KIF24: variants seen among roughly 807,000 people sequenced by gnomAD.
The protein encoded by KIF24 is kinesin family member 24.
A neutral mutation model predicts 118.9 loss-of-function variants in KIF24; 81 were observed. The ratio of observed to expected loss-of-function variants is 0.68; its 90% confidence interval spans 0.57 to 0.82. The LOEUF (loss-of-function observed/expected upper bound fraction) is 0.82, where lower values mean the gene tolerates loss of function less well. Ranked by LOEUF, KIF24 falls within the 40% of genes least tolerant of loss-of-function variation. The pLI, the probability that KIF24 is intolerant of heterozygous loss-of-function variation, is 0.00. For missense variants in KIF24, 1,560 were observed against 1,661.6 expected (o/e 0.94, Z 1.06); for synonymous variants, 599 against 610.0 (o/e 0.98, Z 0.27).
Position 34,318,634 on chromosome 9 carries a change from GT to G in KIF24, c.-25-7264del. 6.5e-7 allele frequency: 1 copy of G among 1,532,630 alleles called. No homozygotes were observed. The allele number at this position is 1,532,630 out of a possible 1,614,324, so 94.9% of individuals were successfully genotyped here. On this transcript the variant is annotated intron_variant, in intron 1 of 12. Coordinates refer to ENST00000402558, the MANE Select transcript of KIF24 (RefSeq NM_194313.4). This position sits in a 1 kb window ranked among gnomAD's most constrained non-coding sequence, Gnocchi z 4.9. Reference sequence around the variant, plus strand: ...TGTCGCCCGTGGTGGTGGCCTCGTCGTTGGGGCTCGTGTCGCTGGGCGGCAA... The same window carrying G: ...TGTCGCCCGTGGTGGTGGCCTCGTCGTGGGGCTCGTGTCGCTGGGCGGCAA...
chr9:34,293,109 T>G (rs1370853068), intron 4 of KIF24, among the ~76,000 whole-genome samples: 2 of 152,212 alleles, frequency 1.3e-5, no homozygotes, highest in African/African-American at 4.8e-5. Flanking sequence ...CTCATAAAAT[T>G]TAAAAAATTA....
chr9:34,316,227 A>C (rs1837324435), intron 1 of KIF24, among the ~76,000 whole-genome samples: 1 of 151,968 alleles, frequency 6.6e-6, no homozygotes, highest in African/African-American at 2.4e-5. Flanking sequence ...AAGTGCCTGT[A>C]ATCCCAGCTA....
Position 34,286,643 on chromosome 9 carries a change from C to A in KIF24, c.1189G>T (p.Val397Leu). The A allele has an allele frequency of 2.5e-6, 4 of 1,612,928 alleles. No homozygotes were observed. The South Asian group carries it at 4.4e-5, about 18-fold the overall frequency. The change falls in exon 6 of 13, where the codon GTG becomes TTG. Residue 397 changes from valine to leucine, a missense_variant. Around this residue, in one of 3 missense-constraint regions of KIF24, gnomAD observed 964 missense variants for 988.0 expected, o/e 0.98. Coordinates refer to ENST00000402558, the MANE Select transcript of KIF24 (RefSeq NM_194313.4). ...VQIVGLQELQ[V>L]DSVELLLEVI... is the part of the protein sequence containing the mutation. Reference sequence around the variant, plus strand: ...TCTAAGAGGAGCTCCACACTGTCCACCTGAAGCTCTTGCAGTCCCACTATC... The same window carrying A: ...TCTAAGAGGAGCTCCACACTGTCCAACTGAAGCTCTTGCAGTCCCACTATC...
At chr9:34,302,958 G>T (rs933394272) in intron 3 of KIF24, among the ~76,000 whole-genome samples, 1 of 151,238 alleles carries the variant, frequency 6.6e-6, no homozygotes, top group Non-Finnish European at 1.5e-5. Context: ...TGTATTTTTA[G>T]TGAGATGGAG....
At chr9:34,301,501 C>T (rs1319823860) in intron 3 of KIF24, among the ~76,000 whole-genome samples, 5 of 152,102 alleles carry the variant, frequency 3.3e-5, no homozygotes, top group Non-Finnish European at 5.9e-5. Context: ...CTGTCCACCT[C>T]GGACTCCCAA....
chr9:34,323,258 GA>G (rs920874711), intron 1 of KIF24, among the ~76,000 whole-genome samples: 8 of 151,890 alleles, frequency 5.3e-5, no homozygotes, highest in Middle Eastern at 3.4e-3. Flanking sequence ...GTTTTTAACA[GA>G]AAAAAAATAG....
At chr9:34,297,578 C>A (rs752296918) in intron 3 of KIF24, among the ~76,000 whole-genome samples, 1 of 151,988 alleles carries the variant, frequency 6.6e-6, no homozygotes, top group African/African-American at 2.4e-5. Context: ...CTGGCTAACA[C>A]GGTGAAACCC....
chr9:34,256,313 A>G lies in KIF24; in HGVS notation c.3294T>C (p.Asp1098=), dbSNP rs778894267. The G allele has an allele frequency of 6.2e-7, 1 of 1,613,088 alleles. No homozygotes were observed. Among genetic ancestry groups the G allele is most frequent in the South Asian group, 1.1e-5 (1 of 91,008 alleles). ...PVVSHTVPSG[D]QEAALPVSSA... is the part of the protein sequence containing the mutation. ...AAGACACTGGCAAGGCTGCCTCTTG[A>G]TCACCAGATGGCACTGTGTGGCTCA... is the stretch of plus-strand genomic sequence containing the variant. The change falls in exon 11 of 13, where the codon GAT becomes GAC. Residue 1098 remains aspartate, a synonymous_variant. Transcript: ENST00000402558.
chr9:34,255,476 A>C (rs867763583), intron 11 of KIF24, among the ~76,000 whole-genome samples: 19 of 152,170 alleles, frequency 1.2e-4, no homozygotes, highest in African/African-American at 3.4e-4. Flanking sequence ...CCCATTTCCC[A>C]CAGCTTCCCT....
At position 34,257,594 on chromosome 9, in the gene KIF24, C is replaced by T. The variant is rs372449044; in HGVS notation, c.2013G>A (p.Glu671=). The change falls in exon 11 of 13, where the codon GAG becomes GAA. Residue 671 remains glutamate, a synonymous_variant. Transcript: ENST00000402558. The part of the protein sequence containing the change: ...KPEESAPLCS[E]KNRMGNKTVL... ...CAGTTTTGTTGCCCATTCGATTTTT[C>T]TCAGAGCACAATGGTGCTGACTCTT... 1.2e-6 allele frequency: 2 copies of T among 1,614,100 alleles called. No individual in the cohort carries two copies. The highest frequency in any genetic ancestry group is 2.7e-5 in the African/African-American group (2 of 75,080).
chr9:34,254,470 G>C lies in KIF24; in HGVS notation c.4017C>G (p.Ser1339=). The C allele has an allele frequency of 2.5e-6, 4 of 1,613,920 alleles. No individual in the cohort carries two copies. Among genetic ancestry groups the C allele is most frequent in the Non-Finnish European group, 3.4e-6 (4 of 1,179,846 alleles). ...GGCTCCTCAGACTCTGGATACACTT[G>C]GATTTCAGAACCATGATTTCATCCA... ...TQLDEIMVLK[S]KCIQSLRSQL... The change falls in exon 13 of 13, where the codon TCC becomes TCG. Residue 1339 remains serine (S), a synonymous_variant. Coordinates refer to ENST00000402558, the MANE Select transcript of KIF24 (RefSeq NM_194313.4).
At chr9:34,302,576 C>A (rs1490622618) in intron 3 of KIF24, among the ~76,000 whole-genome samples, 1 of 151,972 alleles carries the variant, frequency 6.6e-6, no homozygotes, top group East Asian at 1.9e-4. Context: ...AGTGATTCTC[C>A]TGCCTCAGCC....
At chr9:34,274,850 G>A (rs1048085155) in intron 6 of KIF24, among the ~76,000 whole-genome samples, 6 of 129,298 alleles carry the variant, frequency 4.6e-5, no homozygotes, top group East Asian at 2.4e-4. Context: ...CAACAACATG[G>A]ATGGAACTGG....
chr9:34,254,568 T>C (rs1834745548), intron 12 of KIF24, 48 bp from the exon 13 acceptor site: 1 of 1,573,374 alleles, frequency 6.4e-7, no homozygotes, highest in Non-Finnish European at 8.6e-7. Flanking sequence ...TTGCTGGCGC[T>C]CTGCCAGATC....
chr9:34,288,326 C>A lies in KIF24; in HGVS notation c.1128-1622G>T, dbSNP rs1836126756. On this transcript the variant is annotated intron_variant, in intron 5 of 12. Transcript: ENST00000402558. ...GTAACATAGGGAGACCCTGTGTCTACAAAAAATAAAAATTAGCAGGGCATG... is the reference window on the plus strand; with the variant it reads ...GTAACATAGGGAGACCCTGTGTCTAAAAAAAATAAAAATTAGCAGGGCATG... 2.6e-5 allele frequency among the ~76,000 whole-genome samples: 4 copies of A among 151,620 alleles called. 1 individual carries two copies. Among genetic ancestry groups the A allele is most frequent in the Admixed American group, 1.3e-4 (2 of 15,226 alleles).
chr9:34,291,281 T>C (rs968835485), intron 4 of KIF24, among the ~76,000 whole-genome samples: 7 of 151,920 alleles, frequency 4.6e-5, no homozygotes, highest in African/African-American at 1.5e-4. Context: ...CACTGTGGAA[T>C]AGGAATAGCG....
chr9:34,307,925 G>A (rs1836994663), intron 2 of KIF24, among the ~76,000 whole-genome samples: 1 of 151,436 alleles, frequency 6.6e-6, no homozygotes, highest in Non-Finnish European at 1.5e-5. Context: ...GGGATTCAGT[G>A]TTCTATTTTT....
chr9:34,312,901 G>A (rs1394638547), intron 1 of KIF24, among the ~76,000 whole-genome samples: 1 of 152,176 alleles, frequency 6.6e-6, no homozygotes, highest in Non-Finnish European at 1.5e-5. Flanking sequence ...GTTTCGCCAT[G>A]TTGGCCAGGC....
At chr9:34,307,021 C>T (rs545032624) in intron 2 of KIF24, among the ~76,000 whole-genome samples, 23 of 152,154 alleles carry the variant, frequency 1.5e-4, no homozygotes, top group African/African-American at 4.8e-4. Context: ...CTATTTTATA[C>T]AATTGTTTCA....
Sources: gnomAD v4.1 joint callset for allele counts (sites outside exome capture counted in the v4.1 genomes callset) on GRCh38, gnomAD v4.1.1 for gene constraint, gnomAD v4.1.1 regional missense constraint, Gnocchi (gnomAD v3.1) non-coding constraint, MANE v1.5 for transcripts, NCBI Gene and HGNC (gene_info 2026-07-23, HGNC 2026-07-21) for gene names.